GUCY1A1: variants seen among roughly 807,000 people sequenced by gnomAD.
The protein encoded by GUCY1A1 is guanylate cyclase 1 soluble subunit alpha 1, also known as guanylate cyclase soluble subunit alpha-1.
A neutral mutation model predicts 64.5 loss-of-function variants in GUCY1A1; 48 were observed. That is an observed-to-expected ratio of 0.74 (90% confidence interval 0.59 to 0.95). GUCY1A1 has a LOEUF of 0.95. Among genes scored for constraint, GUCY1A1 ranks in the 40% least tolerant of loss-of-function variants. The pLI is 0.00. For missense variants in GUCY1A1, 804 were observed against 825.3 expected (o/e 0.97, Z 0.32); for synonymous variants, 308 against 303.4 (o/e 1.02, Z -0.16).
intron 4 of GUCY1A1, among the ~76,000 whole-genome samples, chr4:155,704,321 G>A (rs1274145500): frequency 6.6e-6 from 1 of 152,176 alleles, no homozygotes; most frequent in African/African-American, 2.4e-5. Flanking sequence ...GCTCCTGTAA[G>A]GCCGATTCTT....
At position 155,733,465 on chromosome 4, in the gene GUCY1A1, G is replaced by A. The variant is rs1281610810; in HGVS notation, c.*3234G>A. ...ACCATCTGGGCAAAAATCACGAAGG[G>A]GTATGTGTGTCATGTAAAGGTGTGC... On this transcript the variant is annotated 3_prime_UTR_variant, in exon 10 of 10. Transcript: ENST00000506455. Among the ~76,000 whole-genome samples, 1 of 151,420 alleles carries A rather than the reference G, an allele frequency of 6.6e-6. No homozygotes were observed. The highest frequency in any genetic ancestry group is 1.5e-5 in the Non-Finnish European group (1 of 67,780).
At chr4:155,669,290 A>T (rs773909430) in intron 2 of GUCY1A1, among the ~76,000 whole-genome samples, 1 of 152,076 alleles carries the variant, frequency 6.6e-6, no homozygotes, top group Non-Finnish European at 1.5e-5. Context: ...TCTTTCTATT[A>T]TACGACAGAA....
intron 2 of GUCY1A1, among the ~76,000 whole-genome samples, chr4:155,687,623 T>C (rs1412639645): frequency 2.0e-5 from 3 of 152,166 alleles, no homozygotes; most frequent in African/African-American, 2.4e-5. Flanking sequence ...TATTGCTTTG[T>C]TTAATCTCAC....
intron 2 of GUCY1A1, among the ~76,000 whole-genome samples, chr4:155,679,308 C>CT (rs1409224581): frequency 9.2e-5 from 14 of 151,966 alleles, no homozygotes; most frequent in Non-Finnish European, 1.9e-4. Context: ...TTGTCGTAGT[C>CT]TGTTTATTTT....
intron 7 of GUCY1A1, among the ~76,000 whole-genome samples, chr4:155,714,598 T>G (rs1732993494): frequency 6.6e-6 from 1 of 152,228 alleles, no homozygotes; most frequent in South Asian, 2.1e-4. Context: ...ATGGCTTGAA[T>G]CATCTTCTGA....
rs1455547020 is a variant in GUCY1A1, at chr4:155,735,729, G to A, written c.*5498G>A. The A allele has an allele frequency of 6.6e-6, 1 of 151,942 alleles. No homozygotes were observed. Among genetic ancestry groups the A allele is most frequent in the Non-Finnish European group, 1.5e-5 (1 of 67,930 alleles). The allele number at this position is 151,942 out of a possible 1,614,324, so 9.4% of individuals were successfully genotyped here. ...GAAAGAGCTATGAGGTAGTTTCAGA[G>A]AAAGTGAAAACAAAACAAAGCAAAA... On this transcript the variant is annotated 3_prime_UTR_variant, in exon 10 of 10. Coordinates refer to ENST00000506455, the MANE Select transcript of GUCY1A1 (RefSeq NM_001130682.3).
In GUCY1A1 at chr4:155,730,277, A is replaced by G. The variant is rs754112953; in HGVS notation, c.*46A>G. 8.2e-7 allele frequency: 1 copy of G among 1,225,494 alleles called. No individual in the cohort carries two copies. Among genetic ancestry groups the G allele is most frequent in the Admixed American group, 1.7e-5 (1 of 58,508 alleles). The allele number at this position is 1,225,494 out of a possible 1,614,324, so 75.9% of individuals were successfully genotyped here. On this transcript the variant is annotated 3_prime_UTR_variant, in exon 10 of 10. Coordinates refer to ENST00000506455, the MANE Select transcript of GUCY1A1 (RefSeq NM_001130682.3). ...AAGTCTTTGGGGTTTGACTCATTGA[A>G]GATGTGTAGAGCCTCTGAAAGCACT...
chr4:155,683,156 C>T (rs1316921167), intron 2 of GUCY1A1, among the ~76,000 whole-genome samples: 1 of 151,942 alleles, frequency 6.6e-6, no homozygotes, highest in Non-Finnish European at 1.5e-5. Flanking sequence ...CTTTATCAAG[C>T]ACAGACCTTG....
At position 155,722,314 on chromosome 4, in the gene GUCY1A1, A is replaced by G. The variant is rs767193709; in HGVS notation, c.1871+122A>G. 4.7e-5 allele frequency: 69 copies of G among 1,453,964 alleles called. No homozygotes were observed. In the East Asian group the frequency reaches 1.6e-3, roughly 35 times the overall value. 90.1% of individuals were successfully genotyped at this position (1,453,964 alleles called of 1,614,324 possible). The stretch of plus-strand genomic sequence containing the variant: ...TTCCTTAGTCGTAAGGAAAAAAGAA[A>G]CGTGATAACTTTTATCATCCTCACT... On this transcript the variant is annotated intron_variant, in intron 9 of 9. Coordinates refer to ENST00000506455, the MANE Select transcript of GUCY1A1 (RefSeq NM_001130682.3).
intron 2 of GUCY1A1, among the ~76,000 whole-genome samples, chr4:155,673,051 T>TTTTGGCATATGTGAATGAATGAGTGAG (rs1449621469): frequency 2.0e-5 from 3 of 151,916 alleles, no homozygotes; most frequent in African/African-American, 7.3e-5. Context: ...GTACTGTGAT[T>TTTTGGCATATGTGAATGAATGAGTGAG]TGAATATCTT....
intron 9 of GUCY1A1, among the ~76,000 whole-genome samples, chr4:155,724,760 AT>A (rs1010319008): frequency 3.3e-5 from 5 of 151,886 alleles, no homozygotes; most frequent in African/African-American, 1.2e-4. Context: ...GACTCTAACT[AT>A]TTTTTAAAAA....
Position 155,726,943 on chromosome 4 carries a change from A to G in GUCY1A1, c.1872-3087A>G, listed in dbSNP as rs374022036. Among the ~76,000 whole-genome samples the G allele has an allele frequency of 1.6e-4, 24 of 152,056 alleles. 1 individual carries two copies. The highest frequency in any genetic ancestry group is 1.1e-3 in the Admixed American group (17 of 15,226). On this transcript the variant is annotated intron_variant, in intron 9 of 9. Coordinates refer to ENST00000506455, the MANE Select transcript of GUCY1A1 (RefSeq NM_001130682.3). ...GGGATCATTAGAAACAAAAATGGCA[A>G]GTGGGGAGGATACATGGATGCTGTC...
At chr4:155,685,792 G>T (rs780684757) in intron 2 of GUCY1A1, among the ~76,000 whole-genome samples, 1 of 151,934 alleles carries the variant, frequency 6.6e-6, no homozygotes, top group Non-Finnish European at 1.5e-5. Flanking sequence ...ATTTCCAAAG[G>T]CTGGATTAGA....
At chr4:155,677,841 G>T (rs924208640) in intron 2 of GUCY1A1, among the ~76,000 whole-genome samples, 4 of 142,922 alleles carry the variant, frequency 2.8e-5, no homozygotes, top group Non-Finnish European at 6.1e-5. Context: ...GACAGAGCGA[G>T]ATTCCATTTC....
chr4:155,693,927 T>G (rs908047402), intron 2 of GUCY1A1, among the ~76,000 whole-genome samples: 13 of 152,208 alleles, frequency 8.5e-5, no homozygotes, highest in African/African-American at 2.9e-4. Context: ...TGGAAAGATC[T>G]ATTATAAACT....
intron 8 of GUCY1A1, 90 bp from the exon 9 acceptor site, chr4:155,721,948 T>A: frequency 1.1e-6 from 1 of 918,064 alleles, no homozygotes; most frequent in Non-Finnish European, 1.8e-6. Flanking sequence ...GGGTGAATGG[T>A]AAAATAATTT....
intron 7 of GUCY1A1, among the ~76,000 whole-genome samples, chr4:155,715,603 T>C (rs2126892039): frequency 6.6e-6 from 1 of 152,312 alleles, no homozygotes; most frequent in African/African-American, 2.4e-5. Flanking sequence ...CACAAAGGGC[T>C]GCAAAAGCAG....
Position 155,736,779 on chromosome 4 carries a change from C to T in GUCY1A1, c.*6548C>T, listed in dbSNP as rs1398801466. On this transcript the variant is annotated 3_prime_UTR_variant, in exon 10 of 10. Transcript: ENST00000506455. ...GTAAATATGCATTGCTATAGGTATA[C>T]CAAGTTTTTTTTGTTATGTTTAGTA... is the stretch of plus-strand genomic sequence containing the variant. The T allele has an allele frequency of 1.3e-5, 2 of 151,808 alleles. No individual in the cohort carries two copies. The highest frequency in any genetic ancestry group is 2.9e-5 in the Non-Finnish European group (2 of 67,916). The allele number at this position is 151,808 out of a possible 1,614,324, so 9.4% of individuals were successfully genotyped here. A position where few individuals can be genotyped will look rare whatever the true frequency, so the allele number is the denominator to read the frequency against.
intron 2 of GUCY1A1, among the ~76,000 whole-genome samples, chr4:155,685,603 GTTTTTTTTTTTT>G (rs70954055): frequency 9.2e-6 from 1 of 108,856 alleles, no homozygotes; most frequent in Non-Finnish European, 1.9e-5. Flanking sequence ...TTCTCCTTGT[GTTTTTTTTTTTT>G]TTTTTTTTTT....
Sources: gnomAD v4.1 joint callset for allele counts (sites outside exome capture counted in the v4.1 genomes callset) on GRCh38, gnomAD v4.1.1 for gene constraint, MANE v1.5 for transcripts, NCBI Gene and HGNC (gene_info 2026-07-23, HGNC 2026-07-21) for gene names.